The following DISP1 variants were observed in gnomAD, a reference collection of about 807,000 sequenced individuals.
DISP1 encodes dispatched RND transporter family member 1.
A neutral mutation model predicts 37.3 loss-of-function variants in DISP1; 30 were observed. That is an observed-to-expected ratio of 0.80 (90% CI 0.60 to 1.09). The LOEUF (loss-of-function observed/expected upper bound fraction) is 1.09. Ranked by LOEUF, DISP1 falls within the 50% of genes least tolerant of loss-of-function variation. The probability of loss-of-function intolerance (pLI) is 0.00; values close to 1 mark genes in which losing one functional copy is unlikely to be tolerated. For synonymous variants in DISP1, 634 were observed against 690.2 expected (o/e 0.92, Z 1.28); for missense variants, 1,598 against 1,879.5 (o/e 0.85, Z 2.77).
In DISP1 at chr1:223,004,086, C is replaced by T. The variant is rs755234742; in HGVS notation, c.2689C>T (p.Leu897=). The change falls in exon 9 of 9, where the codon CTG becomes TTG. Residue 897 remains leucine (L), a synonymous_variant. Transcript: ENST00000675850. The surrounding 1 kb of genome is among the most constrained non-coding windows in gnomAD (Gnocchi z 4.9). ...GTGCATCAAGAGAGCTATCATGGAG[C>T]TGGAAAGGAGTACAGGGTACCATTT... ...ELCIKRAIME[L]ERSTGYHLDS... 9.3e-6 allele frequency: 15 copies of T among 1,614,028 alleles called. No individual in the cohort carries two copies.
intron 2 of DISP1, among the ~76,000 whole-genome samples, chr1:222,938,733 TAAAAAAAAAAAA>T (rs33948431): frequency 1.7e-5 from 1 of 57,620 alleles, no homozygotes; most frequent in African/African-American, 7.2e-5. Flanking sequence ...ACCCTGTCTT[TAAAAAAAAAAAA>T]AAAAAAAAAA....
At chr1:222,927,445 G>A (rs960860006) in intron 1 of DISP1, among the ~76,000 whole-genome samples, 1 of 151,972 alleles carries the variant, frequency 6.6e-6, no homozygotes, top group Non-Finnish European at 1.5e-5. Flanking sequence ...TATATATTCT[G>A]AATACTAGAC....
At chr1:222,920,417 G>A (rs2125440174) in intron 1 of DISP1, among the ~76,000 whole-genome samples, 1 of 152,314 alleles carries the variant, frequency 6.6e-6, no homozygotes, top group South Asian at 2.1e-4. Flanking sequence ...GTGCAGCACA[G>A]ATTATATATT....
intron 1 of DISP1, among the ~76,000 whole-genome samples, chr1:222,825,502 T>C (rs1465725058): frequency 1.4e-4 from 21 of 147,084 alleles, no homozygotes; most frequent in South Asian, 2.2e-4. Flanking sequence ...TGTTTCTCTT[T>C]TTTTTTTTTT....
intron 4 of DISP1, chr1:222,989,366 C>G (rs1678518142): frequency 1.0e-6 from 1 of 985,318 alleles, no homozygotes; most frequent in Non-Finnish European, 1.2e-6. Flanking sequence ...ATTCAAGAAG[C>G]CAGAAGTTTG....
chr1:222,952,200 T>C (rs1242349945), intron 3 of DISP1, among the ~76,000 whole-genome samples: 1 of 152,210 alleles, frequency 6.6e-6, no homozygotes, highest in African/African-American at 2.4e-5. Context: ...ACCATTGGCT[T>C]TTCAATAAAG....
intron 3 of DISP1, among the ~76,000 whole-genome samples, chr1:222,950,889 A>G (rs1410299013): frequency 6.6e-6 from 1 of 152,266 alleles, no homozygotes; most frequent in Non-Finnish European, 1.5e-5. Context: ...AGCACACTAG[A>G]GTTCTAATCT....
intron 1 of DISP1, among the ~76,000 whole-genome samples, chr1:222,923,516 A>G (rs1672922581): frequency 6.6e-6 from 1 of 152,338 alleles, no homozygotes; most frequent in Non-Finnish European, 1.5e-5. Context: ...ACACTGAGAG[A>G]TAAGGGACAA....
intron 2 of DISP1, among the ~76,000 whole-genome samples, chr1:222,939,645 A>G (rs905061488): frequency 6.6e-6 from 1 of 151,896 alleles, no homozygotes; most frequent in African/African-American, 2.4e-5. Context: ...CCTGGCCAAC[A>G]TGGTGAAACC....
Position 222,983,097 on chromosome 1 carries a change from A to C in DISP1, c.527A>C (p.Lys176Thr), listed in dbSNP as rs548262612. ...TTTTTCAGACCATCCAGACCTTTCAAGTTGCCAAAAAGGTAAAGTAATCTG... is the reference window on the plus strand; with the variant it reads ...TTTTTCAGACCATCCAGACCTTTCACGTTGCCAAAAAGGTAAAGTAATCTG... Reference protein sequence around the residue: ...IANIRPSRPFKLPKSYAALIA... With the variant: ...IANIRPSRPFTLPKSYAALIA... Residue 176 changes from lysine (K) to threonine (T), a missense_variant, in exon 4 of 9, where the codon AAG (lysine) becomes ACG (threonine). Lys to Thr is a moderately conservative substitution (Grantham distance 78, BLOSUM62 -1). Transcript: ENST00000675850. 3 of 1,609,232 alleles carry C rather than the reference A, an allele frequency of 1.9e-6. No homozygotes were observed. Among genetic ancestry groups the C allele is most frequent in the Admixed American group, 3.3e-5 (2 of 59,868 alleles).
intron 1 of DISP1, among the ~76,000 whole-genome samples, chr1:222,885,021 T>C (rs924338364): frequency 3.9e-5 from 6 of 152,088 alleles, no homozygotes; most frequent in Non-Finnish European, 7.4e-5. Context: ...TTTGTGTGTT[T>C]AGTAGAGACG....
chr1:222,915,189 T>G (rs193084467), intron 1 of DISP1, among the ~76,000 whole-genome samples: 1 of 152,312 alleles, frequency 6.6e-6, no homozygotes, highest in African/African-American at 2.4e-5. Flanking sequence ...AAGTTATGCT[T>G]CTTTGATCTA....
chr1:222,851,409 G>T (rs1368541538), intron 1 of DISP1, among the ~76,000 whole-genome samples: 2 of 152,022 alleles, frequency 1.3e-5, no homozygotes, highest in African/African-American at 4.8e-5. Flanking sequence ...TTCTTTATAG[G>T]GTTTCAGAGG....
At chr1:222,885,549 GCCTCTTTCT>G (rs1423883209) in intron 1 of DISP1, among the ~76,000 whole-genome samples, 1 of 150,470 alleles carries the variant, frequency 6.6e-6, no homozygotes, top group Non-Finnish European at 1.5e-5. Context: ...GCTGATTGCA[GCCTCTTTCT>G]CCTGGGCTCA....
At chr1:222,952,256 T>C (rs1343030721) in intron 3 of DISP1, among the ~76,000 whole-genome samples, 1 of 152,186 alleles carries the variant, frequency 6.6e-6, no homozygotes, top group African/African-American at 2.4e-5. Context: ...TGCTCACAAT[T>C]TCAGTACTCA....
chr1:222,982,482 A>G (rs938386178), intron 3 of DISP1, among the ~76,000 whole-genome samples: 5 of 152,342 alleles, frequency 3.3e-5, no homozygotes, highest in African/African-American at 9.6e-5. Flanking sequence ...AACTTATCCT[A>G]TATCTGGGAG....
chr1:222,909,535 C>T (rs1274484961), intron 1 of DISP1, among the ~76,000 whole-genome samples: 2 of 152,198 alleles, frequency 1.3e-5, no homozygotes, highest in African/African-American at 4.8e-5. Context: ...TTTATCAACT[C>T]TTCTGTAGTT....
At chr1:222,892,563 C>T (rs1348722167) in intron 1 of DISP1, among the ~76,000 whole-genome samples, 2 of 152,072 alleles carry the variant, frequency 1.3e-5, no homozygotes, top group African/African-American at 2.4e-5. Flanking sequence ...CTGAATGTTA[C>T]GTTACTTGAA....
intron 1 of DISP1, among the ~76,000 whole-genome samples, chr1:222,864,901 T>C (rs1669093527): frequency 6.6e-6 from 1 of 152,198 alleles, no homozygotes; most frequent in Non-Finnish European, 1.5e-5. Context: ...CAAATTATAT[T>C]ATTAACTCTG....
Sources: gnomAD v4.1 joint callset for allele counts (sites outside exome capture counted in the v4.1 genomes callset) on GRCh38, gnomAD v4.1.1 for gene constraint, Gnocchi (gnomAD v3.1) non-coding constraint, MANE v1.5 for transcripts, NCBI Gene and HGNC (gene_info 2026-07-23, HGNC 2026-07-21) for gene names.